Variants in SLC25A53 observed in about 807,000 individuals in gnomAD.
SLC25A53 encodes mitochondrial carrier triple repeat protein 6.
SLC25A53 carries 5 observed loss-of-function variants against 15.0 expected under a neutral mutation model. The ratio of observed to expected loss-of-function variants is 0.33; its 90% confidence interval spans 0.17 to 0.70. The LOEUF is 0.70. SLC25A53 is among the 30% of genes least tolerant of loss of function. The pLI is 0.67. For missense variants in SLC25A53, 216 were observed against 241.6 expected (o/e 0.89, Z 0.70); for synonymous variants, 95 against 100.0 (o/e 0.95, Z 0.30).
chrX:104,124,211 C>T lies in SLC25A53; in HGVS notation c.-31-18923G>A, dbSNP rs1289422744. 2.7e-5 allele frequency among the ~76,000 whole-genome samples: 3 copies of T among 111,848 alleles called. No individual in the cohort carries two copies. The Admixed American group carries it at 2.8e-4, about 11-fold the overall frequency. On this transcript the variant is annotated intron_variant, in intron 1 of 1. Transcript: ENST00000594199. ...AAAAGCGTTCCTATTTCTCCACAGC[C>T]TCGCCAGCATGTGTTGTTTCCTGAC...
In SLC25A53 at chrX:104,104,956, C is replaced by T. The variant is rs1273066271; in HGVS notation, c.302G>A (p.Ser101Asn). 8.3e-7 allele frequency: 1 copy of T among 1,211,397 alleles called. No homozygotes were observed. The highest frequency in any genetic ancestry group is 1.1e-6 in the Non-Finnish European group (1 of 895,497). ...QGTLLFGTYD[S>N]LLCFLSPVGP... Reference sequence around the variant, plus strand: ...AACAGGAGAGAGAAAGCACAGCAGGCTATCATAAGTCCCAAACAGAAGAGT... The same window carrying T: ...AACAGGAGAGAGAAAGCACAGCAGGTTATCATAAGTCCCAAACAGAAGAGT... The change falls in exon 2 of 2, where the codon AGC (serine) becomes AAC (asparagine). Residue 101 changes from serine to asparagine, a missense_variant. Coordinates refer to ENST00000594199, the MANE Select transcript of SLC25A53 (RefSeq NM_001012755.5).
chrX:104,133,626 G>T (rs1936778531), intron 1 of SLC25A53, among the ~76,000 whole-genome samples: 1 of 111,740 alleles, frequency 8.9e-6, no homozygotes, highest in Admixed American at 9.5e-5. Context: ...CATCTGCATT[G>T]ATTCCAGAAT....
intron 1 of SLC25A53, among the ~76,000 whole-genome samples, chrX:104,152,631 T>G (rs180969444): frequency 0.073 from 8,099 of 110,704 alleles, 251 homozygotes; most frequent in Non-Finnish European, 0.096. Flanking sequence ...AGAGACAGGG[T>G]TTCACCATGT....
At chrX:104,148,315 G>A (rs868975895) in intron 1 of SLC25A53, among the ~76,000 whole-genome samples, 1 of 109,201 alleles carries the variant, frequency 9.2e-6, no homozygotes, top group African/African-American at 3.4e-5. Context: ...GTGGGAGGAG[G>A]GGGGAGGGAT....
At chrX:104,139,986 A>C (rs2075446876) in intron 1 of SLC25A53, among the ~76,000 whole-genome samples, 1 of 113,080 alleles carries the variant, frequency 8.8e-6, no homozygotes, top group African/African-American at 3.2e-5. Context: ...CATTTTACAA[A>C]TATAATAGGA....
At chrX:104,147,686 A>G (rs1427692322) in intron 1 of SLC25A53, among the ~76,000 whole-genome samples, 1 of 111,838 alleles carries the variant, frequency 8.9e-6, no homozygotes, top group African/African-American at 3.3e-5. Context: ...TGCAGCCAAA[A>G]GACACATGAA....
chrX:104,136,640 C>A (rs1432286743), intron 1 of SLC25A53, among the ~76,000 whole-genome samples: 3 of 112,089 alleles, frequency 2.7e-5, no homozygotes, highest in Non-Finnish European at 5.6e-5. Flanking sequence ...ACTTAATTCC[C>A]CAGTGCAGTT....
intron 1 of SLC25A53, chrX:104,115,115 G>T: frequency 4.2e-6 from 5 of 1,203,160 alleles, no homozygotes; most frequent in Non-Finnish European, 5.6e-6. Flanking sequence ...GATGGTCCTG[G>T]GAATATTCGT....
chrX:104,124,372 T>A (rs782762037), intron 1 of SLC25A53, among the ~76,000 whole-genome samples: 3 of 112,111 alleles, frequency 2.7e-5, no homozygotes, highest in Admixed American at 9.4e-5. Flanking sequence ...TTTTGAGAAG[T>A]GTCTGTTCGT....
intron 1 of SLC25A53, among the ~76,000 whole-genome samples, chrX:104,151,266 G>A (rs1246131186): frequency 3.6e-5 from 4 of 111,301 alleles, no homozygotes; most frequent in African/African-American, 9.8e-5. Context: ...TTCACACACA[G>A]GGTGCTTAAG....
intron 1 of SLC25A53, among the ~76,000 whole-genome samples, chrX:104,107,914 G>A (rs1556356813): frequency 8.9e-6 from 1 of 111,745 alleles, no homozygotes; most frequent in Non-Finnish European, 1.9e-5. Context: ...GAGCAGAAAG[G>A]GCAAAATAAT....
Position 104,103,081 on chromosome X carries a change from G to A in SLC25A53, c.*1253C>T, listed in dbSNP as rs782262698. On this transcript the variant is annotated 3_prime_UTR_variant, in exon 2 of 2. Transcript: ENST00000594199. ...GAATCCGGGAGGTGGAGGTTGCAGT[G>A]AGCTGAGATCACACCATTGGCACTC... 6 of 105,628 alleles carry A rather than the reference G, an allele frequency of 5.7e-5. No individual in the cohort carries two copies. The highest frequency in any genetic ancestry group is 7.7e-5 in the Non-Finnish European group (4 of 51,795). 8.7% of individuals were successfully genotyped at this position (105,628 alleles called of 1,213,427 possible). A position where few individuals can be genotyped will look rare whatever the true frequency, so the allele number is the denominator to read the frequency against.
rs782558090 is a variant in SLC25A53, at chrX:104,104,653, C to G, written c.605G>C (p.Gly202Ala). ...GTGGGGCAGGCCTTGCTCTGCCAGGCCATCCTGGATGGGGTCCTTGAAAGA... is the reference window on the plus strand; with the variant it reads ...GTGGGGCAGGCCTTGCTCTGCCAGGGCATCCTGGATGGGGTCCTTGAAAGA... ...YFSFKDPIQD[G>A]LAEQGLPHWV... Residue 202 changes from glycine to alanine, a missense_variant, in exon 2 of 2, where the codon GGC becomes GCC. By Grantham distance (60) the Gly-to-Ala change is moderately conservative. Coordinates refer to ENST00000594199, the MANE Select transcript of SLC25A53 (RefSeq NM_001012755.5). The G allele has an allele frequency of 8.3e-6, 10 of 1,209,853 alleles. No individual in the cohort carries two copies. Among genetic ancestry groups the G allele is most frequent in the African/African-American group, 1.8e-5 (1 of 57,066 alleles).
chrX:104,101,551 A>T lies in SLC25A53; in HGVS notation c.*2783T>A, dbSNP rs781877111. 1 of 112,673 alleles carries T rather than the reference A, an allele frequency of 8.9e-6. No individual in the cohort carries two copies. The highest frequency in any genetic ancestry group is 3.7e-4 in the South Asian group (1 of 2,726). The allele number at this position is 112,673 out of a possible 1,213,427, so 9.3% of individuals were successfully genotyped here. On this transcript the variant is annotated 3_prime_UTR_variant, in exon 2 of 2. Coordinates refer to ENST00000594199, the MANE Select transcript of SLC25A53 (RefSeq NM_001012755.5). ...GATTTTAGGAGTTGTATGCCAAGAA[A>T]CAGGATCAAAGACCAAGTATATATT... is the stretch of plus-strand genomic sequence containing the variant.
At chrX:104,133,427 T>C (rs2075430016) in intron 1 of SLC25A53, among the ~76,000 whole-genome samples, 1 of 111,366 alleles carries the variant, frequency 9.0e-6, no homozygotes. Context: ...GGGTGGCTGG[T>C]TCACAGTCTA....
At chrX:104,115,245 C>T in intron 1 of SLC25A53, 2 of 1,201,191 alleles carry the variant, frequency 1.7e-6, no homozygotes, top group Non-Finnish European at 2.2e-6. Flanking sequence ...TGATCATCAC[C>T]CTGCAGGAGC....
intron 1 of SLC25A53, among the ~76,000 whole-genome samples, chrX:104,118,099 T>A (rs1011097442): frequency 2.7e-5 from 3 of 112,752 alleles, no homozygotes; most frequent in Non-Finnish European, 5.6e-5. Context: ...AGTATGTATT[T>A]TCCCTAATTG....
chrX:104,129,855 AATGT>A (rs1441117272), intron 1 of SLC25A53, among the ~76,000 whole-genome samples: 19 of 53,943 alleles, frequency 3.5e-4, no homozygotes, highest in African/African-American at 1.1e-3. Context: ...TATCCACACA[AATGT>A]ATGTGTGTGT....
chrX:104,106,223 C>T (rs782358210), intron 1 of SLC25A53, among the ~76,000 whole-genome samples: 2 of 110,901 alleles, frequency 1.8e-5, no homozygotes, highest in South Asian at 7.7e-4. Flanking sequence ...TTGCTCCTTA[C>T]CCCAGAAAGG....
Sources: allele counts gnomAD v4.1 joint callset (sites outside exome capture counted in the v4.1 genomes callset), GRCh38; gene constraint gnomAD v4.1.1; transcripts MANE v1.5; gene names NCBI Gene and HGNC (gene_info 2026-07-23, HGNC 2026-07-21).